RGS9: variants seen among roughly 807,000 people sequenced by gnomAD.
RGS9 encodes the protein regulator of G protein signaling 9.
Under a neutral mutation model 102.0 loss-of-function variants are expected in RGS9, and 78 were observed. The observed-to-expected ratio is 0.76, with a 90% CI of 0.64 to 0.92. RGS9 has a LOEUF of 0.92. Ranked by LOEUF, RGS9 falls within the 40% of genes least tolerant of loss-of-function variation. The pLI, the probability that RGS9 is intolerant of heterozygous loss-of-function variation, is 0.00. For missense variants in RGS9, 833 were observed against 866.1 expected (o/e 0.96, Z 0.48); for synonymous variants, 353 against 318.6 (o/e 1.11, Z -1.15).
At chr17:65,183,282 A>C (rs11658736) in intron 9 of RGS9, among the ~76,000 whole-genome samples, 44,086 of 151,898 alleles carry the variant, frequency 0.29, 9,635 homozygotes, top group African/African-American at 0.61. Flanking sequence ...GCCACCATGC[A>C]CAGCTAATTT....
chr17:65,150,473 T>G (rs187475275), intron 1 of RGS9, among the ~76,000 whole-genome samples: 29 of 151,868 alleles, frequency 1.9e-4, no homozygotes, highest in Non-Finnish European at 2.9e-4. Flanking sequence ...AATACAAAAA[T>G]TAGCTGGGCG....
chr17:65,205,460 G>C (rs1372671902), intron 15 of RGS9, among the ~76,000 whole-genome samples: 1 of 151,870 alleles, frequency 6.6e-6, no homozygotes, highest in African/African-American at 2.4e-5. Context: ...TAGATTATAT[G>C]ACATAGGTTG....
At position 65,173,333 on chromosome 17, in the gene RGS9, G is replaced by C. The variant is rs1049797175; in HGVS notation, c.583-4399G>C. 2.7e-4 allele frequency among the ~76,000 whole-genome samples: 41 copies of C among 152,230 alleles called. No individual in the cohort carries two copies. Among genetic ancestry groups the C allele is most frequent in the African/African-American group, 9.6e-4 (40 of 41,520 alleles). Reference sequence around the variant, plus strand: ...GAAGAGTCTGATATTTTTGGGAAGAGAGTGAAGCTGAGAGAAGGAGGGGCA... The same window carrying C: ...GAAGAGTCTGATATTTTTGGGAAGACAGTGAAGCTGAGAGAAGGAGGGGCA... On this transcript the variant is annotated intron_variant, in intron 8 of 18. Transcript: ENST00000262406. This position sits in a 1 kb window ranked among gnomAD's most constrained non-coding sequence, Gnocchi z 4.8.
chr17:65,185,531 T>G (rs1912076145), intron 9 of RGS9: 1 of 152,916 alleles, frequency 6.5e-6, no homozygotes, highest in African/African-American at 2.4e-5. Flanking sequence ...TGTCCTTCAA[T>G]GTACGCAACC....
intron 8 of RGS9, among the ~76,000 whole-genome samples, chr17:65,174,684 A>G (rs1352122733): frequency 6.6e-6 from 1 of 151,900 alleles, no homozygotes; most frequent in Non-Finnish European, 1.5e-5. Flanking sequence ...GAGCATGCAT[A>G]TGTGTGTGCA....
At position 65,137,644 on chromosome 17, in the gene RGS9, G is replaced by T. The variant is rs1231915050; in HGVS notation, c.57+47G>T. The T allele has an allele frequency of 5.0e-6, 8 of 1,593,154 alleles. No homozygotes were observed. The African/African-American group carries it at 9.4e-5, about 19-fold the overall frequency. ...GACCCTGGGAGGAGGGCGGGGGACCGCATCTGCGAAGCGTCCGAGGACAAG... is the reference window on the plus strand; with the variant it reads ...GACCCTGGGAGGAGGGCGGGGGACCTCATCTGCGAAGCGTCCGAGGACAAG... On this transcript the variant is annotated intron_variant, in intron 1 of 18. Coordinates refer to ENST00000262406, the MANE Select transcript of RGS9 (RefSeq NM_003835.4).
At chr17:65,191,095 G>A (rs1467684625) in intron 11 of RGS9, among the ~76,000 whole-genome samples, 1 of 152,182 alleles carries the variant, frequency 6.6e-6, no homozygotes, top group African/African-American at 2.4e-5. Context: ...ACACATTTCA[G>A]TGACTCTGCT....
At position 65,225,335 on chromosome 17, in the gene RGS9, T is replaced by C. The variant is rs749330383; in HGVS notation, c.1741T>C (p.Ser581Pro). The C allele has an allele frequency of 6.2e-7, 1 of 1,611,294 alleles. No homozygotes were observed. The highest frequency in any genetic ancestry group is 8.5e-7 in the Non-Finnish European group (1 of 1,180,014). Reference sequence around the variant, plus strand: ...CCCTCCTAAGGCCCGCATGGCTCTGTCCTTCAGCAGGTTTCTGAGACGAGG... The same window carrying C: ...CCCTCCTAAGGCCCGCATGGCTCTGCCCTTCAGCAGGTTTCTGAGACGAGG... Reference protein sequence around the residue: ...RAPPKARMALSFSRFLRRGCL... With the variant: ...RAPPKARMALPFSRFLRRGCL... Residue 581 changes from serine to proline, a missense_variant, in exon 18 of 19, where the codon TCC becomes CCC. Ser to Pro is a moderately conservative substitution (Grantham distance 74). Coordinates refer to ENST00000262406, the MANE Select transcript of RGS9 (RefSeq NM_003835.4).
chr17:65,204,719 G>A (rs1912982793), intron 15 of RGS9, among the ~76,000 whole-genome samples: 1 of 152,190 alleles, frequency 6.6e-6, no homozygotes. Flanking sequence ...ACAGGTAGGA[G>A]TAATGGCATT....
intron 8 of RGS9, 71 bp from the exon 9 acceptor site, chr17:65,177,661 C>G (rs1911697276): frequency 2.1e-6 from 3 of 1,436,664 alleles, no homozygotes; most frequent in East Asian, 2.3e-5. Context: ...GCAGATTAAC[C>G]AAGACCCACA....
chr17:65,156,274 C>T (rs536786237), intron 2 of RGS9, among the ~76,000 whole-genome samples: 159 of 152,314 alleles, frequency 1.0e-3, no homozygotes, highest in African/African-American at 3.8e-3. Flanking sequence ...CCACCCGCCT[C>T]GGCCTCCCAA....
chr17:65,190,186 C>G lies in RGS9; in HGVS notation c.696C>G (p.Tyr232Ter). 1 of 1,613,346 alleles carries G rather than the reference C, an allele frequency of 6.2e-7. No homozygotes were observed. Among genetic ancestry groups the G allele is most frequent in the Non-Finnish European group, 8.5e-7 (1 of 1,179,306 alleles). Residue 232 changes from tyrosine (Y) to a stop codon, truncating the protein, a stop_gained, in exon 11 of 19, where the codon TAC becomes TAG. Transcript: ENST00000262406. LOFTEE classifies it high-confidence loss of function. ...VVAVKKEIMY[Y>*]QQALMRSTVK... ...TGTGTCTCTTCCAGATCATGTATTA[C>G]CAACAGGCCTTGATGAGGTCCACAG...
At chr17:65,215,449 G>A (rs190665889) in intron 17 of RGS9, among the ~76,000 whole-genome samples, 17 of 151,840 alleles carry the variant, frequency 1.1e-4, no homozygotes, top group African/African-American at 4.1e-4. Flanking sequence ...CAACATTTAC[G>A]GAGTTTCTCT....
intron 17 of RGS9, among the ~76,000 whole-genome samples, chr17:65,221,830 G>A (rs900159857): frequency 6.6e-6 from 1 of 152,130 alleles, no homozygotes; most frequent in Admixed American, 6.5e-5. Flanking sequence ...AGTGCCCTGG[G>A]GTCTATTTCA....
At chr17:65,177,684 C>G (rs760646067) in intron 8 of RGS9, 48 bp from the exon 9 acceptor site, 12 of 1,552,202 alleles carry the variant, frequency 7.7e-6, no homozygotes, top group Non-Finnish European at 8.9e-6. Context: ...TAACCAGAAA[C>G]TGGAGACTCT....
intron 17 of RGS9, among the ~76,000 whole-genome samples, chr17:65,223,752 C>CTTT (rs528795738): frequency 2.9e-5 from 4 of 137,594 alleles, no homozygotes; most frequent in African/African-American, 8.0e-5. Flanking sequence ...TCATGCCAGG[C>CTTT]TTTTTTTTTT....
intron 8 of RGS9, 114 bp from the exon 9 acceptor site, chr17:65,177,618 C>T: frequency 9.3e-7 from 1 of 1,070,238 alleles, no homozygotes; most frequent in South Asian, 1.3e-5. Context: ...ATGGGCTAGG[C>T]CACAAGCTCT....
At chr17:65,149,593 A>G (rs1021584639) in intron 1 of RGS9, among the ~76,000 whole-genome samples, 2 of 152,192 alleles carry the variant, frequency 1.3e-5, no homozygotes, top group Admixed American at 1.3e-4. Flanking sequence ...CCTGCATGCA[A>G]AGTTTCAAAA....
chr17:65,198,235 G>A (rs139391049), intron 13 of RGS9, among the ~76,000 whole-genome samples: 8 of 150,786 alleles, frequency 5.3e-5, no homozygotes, highest in African/African-American at 2.0e-4. Context: ...ATCTCTGAAT[G>A]TCACCTCATG....
Sources: gnomAD v4.1 joint callset for allele counts (sites outside exome capture counted in the v4.1 genomes callset) on GRCh38, gnomAD v4.1.1 for gene constraint, Gnocchi (gnomAD v3.1) non-coding constraint, MANE v1.5 for transcripts, NCBI Gene and HGNC (gene_info 2026-07-23, HGNC 2026-07-21) for gene names.